Variants in GDPD1 observed in about 807,000 individuals in gnomAD.
GDPD1 encodes glycerophosphodiester phosphodiesterase domain containing 1.
In GDPD1, 28 loss-of-function variants were observed where a neutral mutation model predicts 45.1. That is an observed-to-expected ratio of 0.62 (90% CI 0.46 to 0.85). The LOEUF is 0.85. Among genes scored for constraint, GDPD1 ranks in the 40% least tolerant of loss-of-function variants. GDPD1 has a pLI of 0.00. For missense variants in GDPD1, 256 were observed against 364.8 expected (o/e 0.70, Z 2.43); for synonymous variants, 139 against 131.4 (o/e 1.06, Z -0.40).
chr17:59,242,363 A>C (rs150863326), intron 2 of GDPD1, among the ~76,000 whole-genome samples: 3 of 152,192 alleles, frequency 2.0e-5, no homozygotes, highest in Non-Finnish European at 4.4e-5. Context: ...ATTCCTGGCT[A>C]AGAGATATAT....
intron 6 of GDPD1, among the ~76,000 whole-genome samples, chr17:59,261,670 AT>A (rs1244099053): frequency 1.4e-4 from 21 of 147,964 alleles, no homozygotes; most frequent in Admixed American, 2.7e-4. Context: ...AAATTTTTTG[AT>A]TTTTTTTTGC....
intron 8 of GDPD1, 104 bp from the exon 9 acceptor site, chr17:59,272,681 C>A: frequency 1.4e-6 from 1 of 712,602 alleles, no homozygotes; most frequent in Non-Finnish European, 2.6e-6. Flanking sequence ...TCTTTTATTG[C>A]TGAAGCATTG....
chr17:59,221,351 A>G (rs1002071781), intron 1 of GDPD1, among the ~76,000 whole-genome samples: 30 of 151,876 alleles, frequency 2.0e-4, no homozygotes, highest in African/African-American at 6.8e-4. Context: ...CAAGGTCACA[A>G]TTAGAGCTAG....
At chr17:59,263,243 G>A (rs553535346) in intron 6 of GDPD1, among the ~76,000 whole-genome samples, 3 of 151,880 alleles carry the variant, frequency 2.0e-5, no homozygotes, top group African/African-American at 7.3e-5. Context: ...TATTGCCCAG[G>A]CTGGTCTCAA....
At chr17:59,241,648 G>A (rs1184125464) in intron 2 of GDPD1, among the ~76,000 whole-genome samples, 2 of 151,796 alleles carry the variant, frequency 1.3e-5, no homozygotes, top group African/African-American at 4.8e-5. Flanking sequence ...CACTAGCTGA[G>A]CTGGGTGCCG....
In GDPD1 at chr17:59,275,018, T is replaced by A. The variant is rs2047471674; in HGVS notation, c.*1245T>A. The A allele has an allele frequency of 1.6e-6, 1 of 630,530 alleles. No individual in the cohort carries two copies. The highest frequency in any genetic ancestry group is 1.8e-5 in the African/African-American group (1 of 54,422). 39.1% of individuals were successfully genotyped at this position (630,530 alleles called of 1,614,324 possible). A position where few individuals can be genotyped will look rare whatever the true frequency, so the allele number is the denominator to read the frequency against. ...TACCATGCCCAGCTAATTTTTGTAT[T>A]TTTAGTAGAGACAGGGTTTTGCCAC... On this transcript the variant is annotated 3_prime_UTR_variant, in exon 10 of 10. Transcript: ENST00000284116.
rs1333535601 is a variant in GDPD1, at chr17:59,255,892, CAT to C, written c.368-1219_368-1218del. The stretch of plus-strand genomic sequence containing the variant: ...ATATATATACACACACACACACACA[CAT>C]ATATATATATGGGCGTGGTGGTGCA... On this transcript the variant is annotated intron_variant, in intron 4 of 9. Transcript: ENST00000284116. 2.0e-3 allele frequency among the ~76,000 whole-genome samples: 265 copies of C among 130,772 alleles called. 5 individuals carry two copies. In the East Asian group the frequency reaches 0.021, roughly 10 times the overall value. 85.8% of individuals were successfully genotyped at this position (130,772 alleles called of 152,430 possible).
intron 4 of GDPD1, 72 bp downstream of exon 4, chr17:59,248,857 T>A: frequency 7.1e-6 from 8 of 1,131,546 alleles, no homozygotes; most frequent in Non-Finnish European, 1.0e-5. Flanking sequence ...CATAGTAAGT[T>A]CTTACTAAAA....
chr17:59,221,419 C>T (rs1329987261), intron 1 of GDPD1, among the ~76,000 whole-genome samples: 4 of 126,870 alleles, frequency 3.2e-5, no homozygotes, highest in East Asian at 2.3e-4. Context: ...AACCTTGCAT[C>T]TTTTTTTTTT....
At chr17:59,250,308 C>T (rs1299289013) in intron 4 of GDPD1, among the ~76,000 whole-genome samples, 1 of 151,968 alleles carries the variant, frequency 6.6e-6, no homozygotes, top group Admixed American at 6.6e-5. Context: ...TAGAGCAAAG[C>T]CAAAGAAAGC....
intron 1 of GDPD1, among the ~76,000 whole-genome samples, chr17:59,233,276 G>A (rs1458766983): frequency 2.6e-5 from 4 of 152,166 alleles, no homozygotes; most frequent in African/African-American, 9.6e-5. Flanking sequence ...CACTTTGGGA[G>A]GCTGAAGCGG....
At chr17:59,262,499 A>G (rs980590983) in intron 6 of GDPD1, among the ~76,000 whole-genome samples, 10 of 151,610 alleles carry the variant, frequency 6.6e-5, no homozygotes, top group African/African-American at 2.4e-4. Context: ...CTCAAACTGT[A>G]TTGTAGATTC....
At chr17:59,249,184 G>A (rs1403222215) in intron 4 of GDPD1, 1 of 153,338 alleles carries the variant, frequency 6.5e-6, no homozygotes, top group Non-Finnish European at 1.5e-5. Context: ...TTTAGGTCAG[G>A]AGTTCGAGAC....
chr17:59,225,031 G>A (rs2047036470), intron 1 of GDPD1, among the ~76,000 whole-genome samples: 2 of 148,998 alleles, frequency 1.3e-5, no homozygotes, highest in African/African-American at 2.5e-5. Flanking sequence ...TAGAAAAACA[G>A]TTACTTTTCA....
intron 6 of GDPD1, among the ~76,000 whole-genome samples, chr17:59,261,980 G>C (rs1297320750): frequency 1.4e-5 from 2 of 139,422 alleles, no homozygotes; most frequent in African/African-American, 2.8e-5. Flanking sequence ...TGCAGTGGCG[G>C]GATCTCGGCT....
Position 59,275,932 on chromosome 17 carries a change from TTTG to T in GDPD1, c.*2165_*2167del, listed in dbSNP as rs2047476977. The T allele has an allele frequency of 6.6e-6, 1 of 152,226 alleles. No individual in the cohort carries two copies. Among genetic ancestry groups the T allele is most frequent in the African/African-American group, 2.4e-5 (1 of 41,472 alleles). 9.4% of individuals were successfully genotyped at this position (152,226 alleles called of 1,614,324 possible). A position where few individuals can be genotyped will look rare whatever the true frequency, so the allele number is the denominator to read the frequency against. On this transcript the variant is annotated 3_prime_UTR_variant, in exon 10 of 10. Transcript: ENST00000284116. ...CCTGGATGACATAAATATCATTTGCTTTGTTGTTTAAACTGAAATAAAGTTTTC... is the reference window on the plus strand; with the variant it reads ...CCTGGATGACATAAATATCATTTGCTTTGTTTAAACTGAAATAAAGTTTTC...
At chr17:59,228,179 A>T (rs2047062176) in intron 1 of GDPD1, among the ~76,000 whole-genome samples, 2 of 151,678 alleles carry the variant, frequency 1.3e-5, no homozygotes, top group Admixed American at 1.3e-4. Context: ...CTAAAAAAAA[A>T]AAAAAAAAAA....
chr17:59,268,625 C>G (rs1220575672), intron 7 of GDPD1, among the ~76,000 whole-genome samples: 1 of 147,030 alleles, frequency 6.8e-6, no homozygotes, highest in African/African-American at 2.5e-5. Flanking sequence ...CTTTTCATAT[C>G]CAACAGAACT....
At chr17:59,228,193 A>AAT (rs2047062351) in intron 1 of GDPD1, among the ~76,000 whole-genome samples, 1 of 150,354 alleles carries the variant, frequency 6.7e-6, no homozygotes, top group Admixed American at 6.6e-5. Context: ...AAAAAAAAAA[A>AAT]TTGATAAAAT....
Sources: gnomAD v4.1 joint callset for allele counts (sites outside exome capture counted in the v4.1 genomes callset) on GRCh38, gnomAD v4.1.1 for gene constraint, MANE v1.5 for transcripts, NCBI Gene and HGNC (gene_info 2026-07-23, HGNC 2026-07-21) for gene names.